The following SMARCD3 variants were observed in gnomAD, a reference collection of about 807,000 sequenced individuals.
The protein encoded by SMARCD3 is SWI/SNF related BAF chromatin remodeling complex subunit D3.
Under a neutral mutation model 58.0 loss-of-function variants are expected in SMARCD3, and 14 were observed. That is an observed-to-expected ratio of 0.24 (90% CI 0.16 to 0.38). The LOEUF (loss-of-function observed/expected upper bound fraction) is 0.38, where lower values mean the gene tolerates loss of function less well. SMARCD3 is among the 10% of genes least tolerant of loss of function. SMARCD3 has a pLI of 1.00. For missense variants in SMARCD3, 408 were observed against 636.9 expected, an observed-to-expected ratio of 0.64 and a Z score of 3.87; for synonymous variants, 253 against 253.8, an observed-to-expected ratio of 1.00 and a Z score of 0.03.
intron 2 of SMARCD3, among the ~76,000 whole-genome samples, chr7:151,260,081 G>A (rs893535435): frequency 2.0e-5 from 3 of 152,192 alleles, no homozygotes; most frequent in Non-Finnish European, 2.9e-5. Context: ...AAGAAGTTGT[G>A]TGACTTGCCA....
intron 2 of SMARCD3, among the ~76,000 whole-genome samples, chr7:151,259,956 G>A (rs897877450): frequency 1.3e-5 from 2 of 152,086 alleles, no homozygotes; most frequent in Non-Finnish European, 2.9e-5. Context: ...GATTTGTATA[G>A]GACTTTACCA....
At chr7:151,274,957 G>A (rs533080061) in intron 2 of SMARCD3, among the ~76,000 whole-genome samples, 1 of 152,306 alleles carries the variant, frequency 6.6e-6, no homozygotes, top group South Asian at 2.1e-4. Flanking sequence ...GGTGGGGAGA[G>A]GGACAGAGAG....
upstream of SMARCD3, among the ~76,000 whole-genome samples, chr7:151,251,377 C>T (rs1803503901): frequency 6.6e-6 from 1 of 152,206 alleles, no homozygotes; most frequent in East Asian, 1.9e-4. Context: ...CCACATGGCT[C>T]TGCACACACA....
At position 151,245,647 on chromosome 7, in the gene SMARCD3, G is replaced by T. The variant is rs1803222832; in HGVS notation, c.103C>A (p.Arg35=). ...GVRPGMPSGA[R]MPHQGAPMGP... ...ATGGGCGCCCCCTGGTGGGGCATCC[G>T]GGCTCCAGACGGCATCCCGGGGCGC... The change falls in exon 2 of 13, where the codon CGG becomes AGG. Residue 35 remains arginine (R), a synonymous_variant. Transcript: ENST00000262188. This position sits in a 1 kb window ranked among gnomAD's most constrained non-coding sequence, Gnocchi z 6.2. 1.7e-6 allele frequency: 2 copies of T among 1,173,204 alleles called. No homozygotes were observed. The highest frequency in any genetic ancestry group is 1.1e-6 in the Non-Finnish European group (1 of 935,106). 72.7% of individuals were successfully genotyped at this position (1,173,204 alleles called of 1,614,324 possible).
intron 2 of SMARCD3, among the ~76,000 whole-genome samples, chr7:151,262,130 T>C (rs1348238697): frequency 6.6e-6 from 1 of 152,018 alleles, no homozygotes; most frequent in East Asian, 1.9e-4. Flanking sequence ...CTCTGTCGTC[T>C]AGACTGTAGT....
rs554024305 is a variant in SMARCD3, at chr7:151,240,748, C to T, written c.940-226G>A. On this transcript the variant is annotated intron_variant, in intron 8 of 12. Coordinates refer to ENST00000262188, the MANE Select transcript of SMARCD3 (RefSeq NM_001003801.2). ...TGGGGCAGGGGTTGAGAGTGCGGGCCCTGGGTCAGCCTGCTTATGTATCAG... is the reference window on the plus strand; with the variant it reads ...TGGGGCAGGGGTTGAGAGTGCGGGCTCTGGGTCAGCCTGCTTATGTATCAG... 1.5e-5 allele frequency: 8 copies of T among 549,540 alleles called. No homozygotes were observed. The South Asian group carries it at 1.7e-4, about 11-fold the overall frequency. The allele number at this position is 549,540 out of a possible 1,614,324, so 34.0% of individuals were successfully genotyped here.
chr7:151,240,038 A>C (rs1584861868), intron 10 of SMARCD3, 74 bp downstream of exon 10: 1 of 1,492,114 alleles, frequency 6.7e-7, no homozygotes. Flanking sequence ...CTGCAACCAC[A>C]CCCTGGTCTC....
At chr7:151,248,697 G>C (rs1803397754), upstream of SMARCD3, 1 of 1,388,378 alleles carries the variant, frequency 7.2e-7, no homozygotes, top group Non-Finnish European at 9.4e-7. This position sits in a 1 kb window ranked among gnomAD's most constrained non-coding sequence, Gnocchi z 6.1. Context: ...AGCGGAGTGG[G>C]GAGGGGGCCC....
chr7:151,247,318 G>A (rs1033318614), intron 1 of SMARCD3, among the ~76,000 whole-genome samples: 2 of 152,008 alleles, frequency 1.3e-5, no homozygotes, highest in Non-Finnish European at 2.9e-5. Flanking sequence ...GTTAGGACTG[G>A]TAACTCAGCT....
Position 151,248,590 on chromosome 7 carries a change from T to A in SMARCD3, c.-28A>T, listed in dbSNP as rs1227895909. On this transcript the variant is annotated 5_prime_UTR_variant, in exon 1 of 13. Coordinates refer to ENST00000262188, the MANE Select transcript of SMARCD3 (RefSeq NM_001003801.2). The surrounding 1 kb of genome is among the most constrained non-coding windows in gnomAD (Gnocchi z 6.1). ...GGGTGGGCTCAGCGGCTCCTCTCAC[T>A]CTCTCTCTCTCTTCCTCTTTCTTTC... The A allele has an allele frequency of 6.0e-6, 9 of 1,491,296 alleles. No individual in the cohort carries two copies. 92.4% of individuals were successfully genotyped at this position (1,491,296 alleles called of 1,614,324 possible).
intron 2 of SMARCD3, among the ~76,000 whole-genome samples, chr7:151,272,536 G>C (rs1280596897): frequency 6.6e-6 from 1 of 152,172 alleles, no homozygotes; most frequent in Non-Finnish European, 1.5e-5. Flanking sequence ...GGTTCACATG[G>C]GAGATGGTCC....
intron 2 of SMARCD3, among the ~76,000 whole-genome samples, chr7:151,272,732 T>C (rs1439390292): frequency 7.2e-5 from 11 of 152,158 alleles, no homozygotes; most frequent in Non-Finnish European, 1.6e-4. Context: ...CGGTCCTTTA[T>C]GAGTCACCAA....
chr7:151,239,105 A>C lies in SMARCD3; in HGVS notation c.1450T>G (p.Ter484GluextTer?). 6.2e-7 allele frequency: 1 copy of C among 1,614,060 alleles called. No homozygotes were observed. The highest frequency in any genetic ancestry group is 8.5e-7 in the Non-Finnish European group (1 of 1,179,954). The change falls in exon 13 of 13, where the codon TAG becomes GAG. Residue 484 changes from the stop codon to glutamate (E), a stop_lost. Transcript: ENST00000262188. This position sits in a 1 kb window ranked among gnomAD's most constrained non-coding sequence, Gnocchi z 7.0. ...LEQSLVVRNT[*>E] ...TCGTGCTGCTTATTTTTGGGCTCCTAGGTGTTGCGCACAACCAGCGACTGC... is the reference window on the plus strand; with the variant it reads ...TCGTGCTGCTTATTTTTGGGCTCCTCGGTGTTGCGCACAACCAGCGACTGC...
At chr7:151,268,336 C>A (rs1182701138) in intron 2 of SMARCD3, among the ~76,000 whole-genome samples, 1 of 152,184 alleles carries the variant, frequency 6.6e-6, no homozygotes, top group Non-Finnish European at 1.5e-5. Flanking sequence ...GAGGGGCTGC[C>A]CCTTTTCAGA....
intron 2 of SMARCD3, among the ~76,000 whole-genome samples, chr7:151,256,429 C>T (rs1312192076): frequency 6.6e-6 from 1 of 152,110 alleles, no homozygotes; most frequent in East Asian, 1.9e-4. Context: ...CCTTGGCCTC[C>T]TGAAGTGCTG....
upstream of SMARCD3, among the ~76,000 whole-genome samples, chr7:151,251,289 T>C (rs1803500399): frequency 1.3e-5 from 2 of 151,822 alleles, no homozygotes; most frequent in African/African-American, 4.8e-5. Flanking sequence ...ACACAGACAA[T>C]AGATACACCT....
chr7:151,263,800 C>CT (rs1472944704), intron 2 of SMARCD3, among the ~76,000 whole-genome samples: 1 of 152,196 alleles, frequency 6.6e-6, no homozygotes, highest in African/African-American at 2.4e-5. Flanking sequence ...CCAGAGTGAT[C>CT]TTTTAAAAAA....
At chr7:151,275,139 A>G in exon 2 of SMARCD3, 1 of 1,612,330 alleles carries the variant, frequency 6.2e-7, no homozygotes, top group Non-Finnish European at 8.5e-7. Context: ...TGGGTGCTGA[A>G]GACCTGGAGT....
chr7:151,243,596 G>T lies in SMARCD3; in HGVS notation c.333+63C>A. 2.3e-6 allele frequency: 2 copies of T among 876,926 alleles called. No homozygotes were observed. The highest frequency in any genetic ancestry group is 5.0e-5 in the East Asian group (2 of 40,202). 54.3% of individuals were successfully genotyped at this position (876,926 alleles called of 1,614,324 possible). ...TGCTGAAGCTCTGCTTCTGAGGGGG[G>T]AGGGGAGGGCGGAGCAGCAAAGGGT... is the stretch of plus-strand genomic sequence containing the variant. On this transcript the variant is annotated intron_variant, in intron 3 of 12. Coordinates refer to ENST00000262188, the MANE Select transcript of SMARCD3 (RefSeq NM_001003801.2). The surrounding 1 kb of genome is among the most constrained non-coding windows in gnomAD (Gnocchi z 4.4).
Sources: allele counts gnomAD v4.1 joint callset (sites outside exome capture counted in the v4.1 genomes callset), GRCh38; gene constraint gnomAD v4.1.1; non-coding constraint Gnocchi (gnomAD v3.1); transcripts MANE v1.5; gene names NCBI Gene and HGNC (gene_info 2026-07-23, HGNC 2026-07-21).